Variants in WDR11 observed in about 807,000 individuals in gnomAD.
The protein encoded by WDR11 is WD repeat domain 11.
A neutral mutation model predicts 151.2 loss-of-function variants in WDR11; 83 were observed. That is an observed-to-expected ratio of 0.55 (90% confidence interval 0.46 to 0.66). WDR11 has a LOEUF of 0.66. Ranked by LOEUF, WDR11 falls within the 30% of genes least tolerant of loss-of-function variation. WDR11 has a pLI of 0.00. For synonymous variants in WDR11, 484 were observed against 533.1 expected (o/e 0.91, Z 1.27); for missense variants, 1,301 against 1,480.9 (o/e 0.88, Z 1.99).
At chr10:120,875,693 C>G (rs1262837573) in intron 11 of WDR11, among the ~76,000 whole-genome samples, 1 of 151,836 alleles carries the variant, frequency 6.6e-6, no homozygotes, top group Non-Finnish European at 1.5e-5. Context: ...TTAGTAGAGA[C>G]GGGGTTTCAC....
At chr10:120,901,234 G>C in intron 21 of WDR11, 136 bp downstream of exon 21, 1 of 785,848 alleles carries the variant, frequency 1.3e-6, no homozygotes, top group African/African-American at 1.7e-5. Context: ...ATTCTGTTTA[G>C]AGGTTTGCTT....
At position 120,908,794 on chromosome 10, in the gene WDR11, A is replaced by G; in HGVS notation, c.*81A>G. The G allele has an allele frequency of 6.7e-7, 1 of 1,484,370 alleles. No individual in the cohort carries two copies. The allele number at this position is 1,484,370 out of a possible 1,614,324, so 91.9% of individuals were successfully genotyped here. A position where few individuals can be genotyped will look rare whatever the true frequency, so the allele number is the denominator to read the frequency against. On this transcript the variant is annotated 3_prime_UTR_variant, in exon 29 of 29. Coordinates refer to ENST00000263461, the MANE Select transcript of WDR11 (RefSeq NM_018117.12). ...CTGGCTGTGGCCACCGTCACAGTCC[A>G]GGATGAAGAGGAGTACAGGGTCCTG...
chr10:120,903,783 C>G (rs756090700), intron 23 of WDR11, among the ~76,000 whole-genome samples: 15 of 152,182 alleles, frequency 9.9e-5, no homozygotes, highest in Non-Finnish European at 1.8e-4. Context: ...CTGCAGAATC[C>G]TTCAGTGCAC....
intron 22 of WDR11, 49 bp from the exon 23 acceptor site, chr10:120,903,006 C>A (rs1182589632): frequency 1.3e-6 from 2 of 1,599,524 alleles, no homozygotes; most frequent in Non-Finnish European, 1.7e-6. Flanking sequence ...GGAAGCCATC[C>A]AGGCCAGGTG....
chr10:120,874,861 A>G (rs530889837), intron 11 of WDR11, among the ~76,000 whole-genome samples: 1 of 151,222 alleles, frequency 6.6e-6, no homozygotes, highest in Non-Finnish European at 1.5e-5. Context: ...GGTTTGTTAC[A>G]TAGATATACA....
chr10:120,909,122 G>GTACTT lies in WDR11; in HGVS notation c.*410_*414dup, dbSNP rs529702129. 2.2e-3 allele frequency: 535 copies of GTACTT among 243,124 alleles called. 4 individuals carry two copies. The highest frequency in any genetic ancestry group is 0.011 in the African/African-American group (499 of 44,264). The allele number at this position is 243,124 out of a possible 1,614,324, so 15.1% of individuals were successfully genotyped here. On this transcript the variant is annotated 3_prime_UTR_variant, in exon 29 of 29. Coordinates refer to ENST00000263461, the MANE Select transcript of WDR11 (RefSeq NM_018117.12). The stretch of plus-strand genomic sequence containing the variant: ...GTTTTCTCAAATATATGCTGTGCCT[G>GTACTT]TACTTATATACAGTCTTTCAAGAGA...
At chr10:120,888,775 T>C (rs1341472717) in intron 16 of WDR11, among the ~76,000 whole-genome samples, 4 of 152,156 alleles carry the variant, frequency 2.6e-5, no homozygotes, top group African/African-American at 9.7e-5. Flanking sequence ...TACTTCTCTG[T>C]TTTTCTTACT....
chr10:120,853,268 G>T (rs1293515388), intron 2 of WDR11, among the ~76,000 whole-genome samples: 1 of 151,552 alleles, frequency 6.6e-6, no homozygotes, highest in African/African-American at 2.4e-5. Context: ...GAAGGAGTTT[G>T]GATTTTTTTT....
intron 19 of WDR11, among the ~76,000 whole-genome samples, chr10:120,896,209 T>G (rs1413238188): frequency 2.0e-5 from 3 of 152,152 alleles, no homozygotes. Context: ...AGAGCACGTA[T>G]AGCCTGCTTG....
intron 21 of WDR11, among the ~76,000 whole-genome samples, chr10:120,901,470 G>A (rs561379841): frequency 2.6e-5 from 4 of 152,150 alleles, no homozygotes; most frequent in Admixed American, 6.5e-5. Context: ...TCTGCTTCCC[G>A]CTTCTAAAAT....
At position 120,908,846 on chromosome 10, in the gene WDR11, C is replaced by CTATG; in HGVS notation, c.*135_*138dup. The CTATG allele has an allele frequency of 1.2e-6, 1 of 813,860 alleles. No individual in the cohort carries two copies. 50.4% of individuals were successfully genotyped at this position (813,860 alleles called of 1,614,324 possible). Reference sequence around the variant, plus strand: ...GAGCTGTTTGACCACTGTTCTAAGACTATGTGTGCCCAAAAGCACATAAGC... The same window carrying CTATG: ...GAGCTGTTTGACCACTGTTCTAAGACTATGTATGTGTGCCCAAAAGCACATAAGC... On this transcript the variant is annotated 3_prime_UTR_variant, in exon 29 of 29. Coordinates refer to ENST00000263461, the MANE Select transcript of WDR11 (RefSeq NM_018117.12).
Position 120,871,387 on chromosome 10 carries a change from A to G in WDR11, c.1471+41A>G, listed in dbSNP as rs369116117. The stretch of plus-strand genomic sequence containing the variant: ...GGTCTTTTTTTTTTTAACTCACTTT[A>G]TAAGATGTTTAGGTTTTCTAGTTTC... On this transcript the variant is annotated intron_variant, in intron 10 of 28. Transcript: ENST00000263461. 23 of 1,585,918 alleles carry G rather than the reference A, an allele frequency of 1.5e-5. No individual in the cohort carries two copies. In the African/African-American group the frequency reaches 2.8e-4, roughly 20 times the overall value.
Position 120,873,823 on chromosome 10 carries a change from G to T in WDR11, c.1472-16G>T, listed in dbSNP as rs749695158. ...TCCCACTGAATTAATGCTCTTCCAT[G>T]ATGTCATTTTGAAAGGTACAAGTAA... On this transcript the variant is annotated splice_polypyrimidine_tract_variant and intron_variant, in intron 10 of 28. Transcript: ENST00000263461. 3.2e-6 allele frequency: 5 copies of T among 1,582,112 alleles called. No individual in the cohort carries two copies. The African/African-American group carries it at 6.7e-5, about 21-fold the overall frequency.
At chr10:120,867,205 T>C in intron 9 of WDR11, 36 bp downstream of exon 9, 1 of 1,510,878 alleles carries the variant, frequency 6.6e-7, no homozygotes, top group Non-Finnish European at 9.2e-7. Flanking sequence ...ATGTTAAGTA[T>C]TCTTTCTGAA....
At chr10:120,857,827 A>G (rs1846003497) in intron 2 of WDR11, among the ~76,000 whole-genome samples, 1 of 151,812 alleles carries the variant, frequency 6.6e-6, no homozygotes, top group Admixed American at 6.6e-5. Flanking sequence ...ATAGAAATGC[A>G]AACAAAGACC....
At chr10:120,883,585 CTG>C (rs377595034) in intron 13 of WDR11, among the ~76,000 whole-genome samples, 193 bp from the exon 14 acceptor site, 9 of 152,250 alleles carry the variant, frequency 5.9e-5, no homozygotes, top group African/African-American at 2.2e-4. Context: ...TTGTGTGAGA[CTG>C]TATGTTCTCT....
rs74158338 is a variant in WDR11 at position 120,886,391 on chromosome 10, G to C, written c.1974-298G>C. Among the ~76,000 whole-genome samples the C allele has an allele frequency of 0.048, 7,345 of 152,004 alleles. 618 individuals are homozygous for C. Among genetic ancestry groups the C allele is most frequent in the African/African-American group, 0.17 (6,904 of 41,350 alleles). On this transcript the variant is annotated intron_variant, in intron 15 of 28. Transcript: ENST00000263461. ...AGAGATAATGTTGGGTCACTGTACA[G>C]CCTCCCTTCTGTTGAGCACAGTTCT...
chr10:120,860,398 G>T lies in WDR11; in HGVS notation c.526+116G>T. The T allele has an allele frequency of 2.5e-6, 3 of 1,206,446 alleles. No individual in the cohort carries two copies. The South Asian group carries it at 3.9e-5, about 16-fold the overall frequency. 74.7% of individuals were successfully genotyped at this position (1,206,446 alleles called of 1,614,324 possible). On this transcript the variant is annotated intron_variant, in intron 4 of 28. Coordinates refer to ENST00000263461, the MANE Select transcript of WDR11 (RefSeq NM_018117.12). The stretch of plus-strand genomic sequence containing the variant: ...ATCTATAATGTTAAAATGACTGAGC[G>T]AAGTGGAGAAGCATGTCTAGTCCAT...
intron 4 of WDR11, chr10:120,862,364 T>TC (rs1337376510): frequency 1.9e-5 from 4 of 208,454 alleles, no homozygotes. Flanking sequence ...GGTCTCGAAC[T>TC]CCTGACTTCA....
Sources: gnomAD v4.1 joint callset for allele counts (sites outside exome capture counted in the v4.1 genomes callset) on GRCh38, gnomAD v4.1.1 for gene constraint, MANE v1.5 for transcripts, NCBI Gene and HGNC (gene_info 2026-07-23, HGNC 2026-07-21) for gene names.